ERICH3: variants seen among roughly 807,000 people sequenced by gnomAD.
The protein encoded by ERICH3 is glutamate-rich protein 3.
Under a neutral mutation model 131.1 loss-of-function variants are expected in ERICH3, and 126 were observed. The observed-to-expected ratio is 0.96, with a 90% CI of 0.83 to 1.11. The LOEUF is 1.11. Ranked by LOEUF, ERICH3 falls within the 50% of genes most tolerant of loss-of-function variation. ERICH3 has a pLI of 0.00. For missense variants in ERICH3, 2,050 were observed against 1,810.7 expected, an observed-to-expected ratio of 1.13 and a Z score of -2.40; for synonymous variants, 695 against 644.6, an observed-to-expected ratio of 1.08 and a Z score of -1.18.
chr1:74,654,302 A>G (rs1646563679), intron 1 of ERICH3, among the ~76,000 whole-genome samples: 1 of 151,988 alleles, frequency 6.6e-6, no homozygotes, highest in African/African-American at 2.4e-5. Context: ...TTAGATATGT[A>G]TATCCTACTG....
At chr1:74,633,925 A>G (rs1177248687) in intron 6 of ERICH3, among the ~76,000 whole-genome samples, 1 of 152,008 alleles carries the variant, frequency 6.6e-6, no homozygotes, top group Non-Finnish European at 1.5e-5. Context: ...TCAAGTCATT[A>G]TTTTTCCTCA....
chr1:74,631,584 A>C, intron 7 of ERICH3, 129 bp downstream of exon 7: 1 of 728,116 alleles, frequency 1.4e-6, no homozygotes, highest in Non-Finnish European at 2.3e-6. Context: ...TACTTATAAA[A>C]TTGTATTTCT....
At chr1:74,613,208 A>G (rs1419148566) in intron 8 of ERICH3, among the ~76,000 whole-genome samples, 1 of 152,220 alleles carries the variant, frequency 6.6e-6, no homozygotes, top group Non-Finnish European at 1.5e-5. Context: ...TTTGTAATAA[A>G]TACTCCAAGT....
intron 5 of ERICH3, among the ~76,000 whole-genome samples, chr1:74,639,462 C>T (rs1424688914): frequency 6.6e-6 from 1 of 152,140 alleles, no homozygotes; most frequent in Non-Finnish European, 1.5e-5. Context: ...TGTTGTAGTT[C>T]ACATCAGAAG....
In ERICH3 at chr1:74,571,126, C is replaced by T. The variant is rs1462141657; in HGVS notation, c.4584G>A (p.Val1528=). The change falls in exon 14 of 15, where the codon GTG becomes GTA. Residue 1528 remains valine (V), a synonymous_variant. Coordinates refer to ENST00000326665, the MANE Select transcript of ERICH3 (RefSeq NM_001002912.5). Reference sequence around the variant, plus strand: ...TCTGCCAGCAAGTCTCCTAGACCTGCACGTTGTTGGGGGAAACATCTGCAG... The same window carrying T: ...TCTGCCAGCAAGTCTCCTAGACCTGTACGTTGTTGGGGGAAACATCTGCAG... ...SETADVSPNN[V]QV The T allele has an allele frequency of 1.2e-6, 2 of 1,612,994 alleles. No homozygotes were observed. The highest frequency in any genetic ancestry group is 1.7e-6 in the Non-Finnish European group (2 of 1,179,506).
rs1347539320 is a variant in ERICH3 at position 74,590,016 on chromosome 1, T to C, written c.1791A>G (p.Glu597=). 1 of 1,613,884 alleles carries C rather than the reference T, an allele frequency of 6.2e-7. No individual in the cohort carries two copies. Among genetic ancestry groups the C allele is most frequent in the African/African-American group, 1.3e-5 (1 of 75,032 alleles). The change falls in exon 12 of 15, where the codon GAA becomes GAG. Residue 597 remains glutamate (E), a synonymous_variant. Transcript: ENST00000326665. The stretch of plus-strand genomic sequence containing the variant: ...GGGCTTCCCTGTCCCCCACTGCAGA[T>C]TCATCCTCACTGTCACTAGAATAAG... ...SHPYSSDSED[E]SAVGDREAHT... is the part of the protein sequence containing the mutation.
At chr1:74,600,338 T>G (rs922423577) in intron 10 of ERICH3, among the ~76,000 whole-genome samples, 1 of 151,800 alleles carries the variant, frequency 6.6e-6, no homozygotes, top group African/African-American at 2.4e-5. Context: ...ATATGAAAAA[T>G]GTTCAAAATA....
At position 74,673,482 on chromosome 1, in the gene ERICH3, C is replaced by A; in HGVS notation, c.23+15G>T. 1 of 1,612,428 alleles carries A rather than the reference C, an allele frequency of 6.2e-7. No homozygotes were observed. The highest frequency in any genetic ancestry group is 1.3e-5 in the African/African-American group (1 of 74,916). ...CCACCTGCCACAGCGTGGAAAAGCT[C>A]CAGTTGTCACTTACCCAGCGGGGTG... On this transcript the variant is annotated intron_variant, in intron 1 of 14. Transcript: ENST00000326665.
rs1267700845 is a variant in ERICH3 at position 74,572,350 on chromosome 1, A to T, written c.3360T>A (p.Asn1120Lys). The T allele has an allele frequency of 1.9e-6, 3 of 1,613,526 alleles. No homozygotes were observed. In the African/African-American group the frequency reaches 4.0e-5, roughly 22 times the overall value. The part of the protein sequence containing the change: ...RAEEETKAPP[N>K]EMGSDAENEA... ...CGTTCTCAGCATCAGATCCCATTTC[A>T]TTTGGGGGAGCTTTTGTCTCTTCCT... Residue 1120 changes from asparagine (N) to lysine (K), a missense_variant, in exon 14 of 15, where the codon AAT becomes AAA. By Grantham distance (94) the Asn-to-Lys change is moderately conservative. Transcript: ENST00000326665.
chr1:74,602,136 T>C (rs1176549446), intron 10 of ERICH3, among the ~76,000 whole-genome samples: 1 of 151,844 alleles, frequency 6.6e-6, no homozygotes, highest in Admixed American at 6.6e-5. Flanking sequence ...CAATTACAGT[T>C]ATATAATTGA....
At chr1:74,656,813 C>A (rs74095104) in intron 1 of ERICH3, among the ~76,000 whole-genome samples, 446 of 152,250 alleles carry the variant, frequency 2.9e-3, no homozygotes, top group African/African-American at 0.01. Context: ...CACAGGAGTT[C>A]CCATAAAATT....
At chr1:74,643,670 A>T (rs1056693009) in intron 3 of ERICH3, among the ~76,000 whole-genome samples, 1 of 152,178 alleles carries the variant, frequency 6.6e-6, no homozygotes, top group African/African-American at 2.4e-5. Flanking sequence ...GGTGCTTCAC[A>T]TACATTATTT....
At position 74,641,366 on chromosome 1, in the gene ERICH3, G is replaced by C; in HGVS notation, c.409C>G (p.Leu137Val). The part of the protein sequence containing the change: ...GPKSNRGHSV[L>V]VDEGHSSPLA... ...GGACTGGAATGTCCTTCATCAACCAGAACACTATGGCCACGATTACTCTTT... is the reference window on the plus strand; with the variant it reads ...GGACTGGAATGTCCTTCATCAACCACAACACTATGGCCACGATTACTCTTT... Residue 137 changes from leucine to valine, a missense_variant, in exon 5 of 15, where the codon CTG becomes GTG. Physicochemically the swap from Leu to Val is conservative, Grantham distance 32. Transcript: ENST00000326665. 2.5e-6 allele frequency: 4 copies of C among 1,612,900 alleles called. No homozygotes were observed. Among genetic ancestry groups the C allele is most frequent in the Non-Finnish European group, 3.4e-6 (4 of 1,179,422 alleles).
intron 7 of ERICH3, chr1:74,624,606 G>A (rs1415235707): frequency 2.0e-5 from 3 of 152,076 alleles, no homozygotes; most frequent in Non-Finnish European, 4.4e-5. Context: ...TCCTTACAGA[G>A]GCATCAGAGC....
intron 4 of ERICH3, among the ~76,000 whole-genome samples, chr1:74,642,611 A>G (rs149095308): frequency 9.5e-4 from 145 of 152,264 alleles, no homozygotes; most frequent in African/African-American, 3.3e-3. Context: ...TTTCCACCGT[A>G]TATTTCCAAG....
intron 9 of ERICH3, 52 bp from the exon 10 acceptor site, chr1:74,606,954 T>G: frequency 1.3e-6 from 2 of 1,497,434 alleles, no homozygotes; most frequent in East Asian, 2.3e-5. Flanking sequence ...GACAGCACAA[T>G]GGAACCTCAA....
chr1:74,602,838 C>T (rs1451034894), intron 10 of ERICH3, among the ~76,000 whole-genome samples: 1 of 151,898 alleles, frequency 6.6e-6, no homozygotes, highest in African/African-American at 2.4e-5. Flanking sequence ...AAAACACATC[C>T]TATTTGTTCA....
chr1:74,630,936 C>A (rs1646325146), intron 7 of ERICH3, among the ~76,000 whole-genome samples: 1 of 151,900 alleles, frequency 6.6e-6, no homozygotes, highest in African/African-American at 2.4e-5. Context: ...AGAAGATGGT[C>A]CCCATCTTCT....
In ERICH3 at chr1:74,641,202, CTA is replaced by C. The variant is rs1471904164; in HGVS notation, c.444+127_444+128del. 2.9e-6 allele frequency: 3 copies of C among 1,049,828 alleles called. No homozygotes were observed. In the African/African-American group the frequency reaches 5.0e-5, roughly 17 times the overall value. The allele number at this position is 1,049,828 out of a possible 1,614,324, so 65.0% of individuals were successfully genotyped here. A position where few individuals can be genotyped will look rare whatever the true frequency, so the allele number is the denominator to read the frequency against. On this transcript the variant is annotated intron_variant, in intron 5 of 14. Coordinates refer to ENST00000326665, the MANE Select transcript of ERICH3 (RefSeq NM_001002912.5). ...GAGACAGAGTTGAACAGATATAAGA[CTA>C]TATTTTCATTCAGTAGGACTGGCAG...
Sources: allele counts gnomAD v4.1 joint callset (sites outside exome capture counted in the v4.1 genomes callset), GRCh38; gene constraint gnomAD v4.1.1; transcripts MANE v1.5; gene names NCBI Gene and HGNC (gene_info 2026-07-23, HGNC 2026-07-21).